The following MTX2 variants were observed in gnomAD, a reference collection of about 807,000 sequenced individuals.
MTX2 encodes the protein metaxin 2, also known as metaxin-2.
Under a neutral mutation model 42.3 loss-of-function variants are expected in MTX2, and 35 were observed. The ratio of observed to expected loss-of-function variants is 0.83; its 90% CI spans 0.63 to 1.10. MTX2 has a LOEUF of 1.10. Ranked by LOEUF, MTX2 falls within the 50% of genes least tolerant of loss-of-function variation. The pLI is 0.00. For missense variants in MTX2, 307 were observed against 304.1 expected, an observed-to-expected ratio of 1.01 and a Z score of -0.07; for synonymous variants, 119 against 100.9, an observed-to-expected ratio of 1.18 and a Z score of -1.08.
At chr2:176,290,877 T>G (rs1333402450) in intron 1 of MTX2, among the ~76,000 whole-genome samples, 20 of 151,972 alleles carry the variant, frequency 1.3e-4, no homozygotes. Context: ...ACACTAAAAC[T>G]GGAAATCTCT....
rs147847958 is a variant in MTX2, at chr2:176,326,978, T to C, written c.285+77T>C. The C allele has an allele frequency of 8.7e-4, 715 of 822,930 alleles. 3 individuals carry two copies. The African/African-American group carries it at 0.011, about 13-fold the overall frequency. The allele number at this position is 822,930 out of a possible 1,614,324, so 51.0% of individuals were successfully genotyped here. On this transcript the variant is annotated intron_variant, in intron 5 of 9. Coordinates refer to ENST00000249442, the MANE Select transcript of MTX2 (RefSeq NM_006554.5). ...TCTTTAATGTGTCTTAACATTTACATTGATTTCAACCTAGTTTTATAAAAT... is the reference window on the plus strand; with the variant it reads ...TCTTTAATGTGTCTTAACATTTACACTGATTTCAACCTAGTTTTATAAAAT...
In MTX2 at chr2:176,328,830, C is replaced by T. The variant is rs779846129; in HGVS notation, c.379-44C>T. ...AAAAATAACTTTCTTTATCCTTTTC[C>T]TCTTTGGTATTCTAAAGTTTAGTGA... On this transcript the variant is annotated intron_variant, in intron 6 of 9. Transcript: ENST00000249442. 5.7e-6 allele frequency: 9 copies of T among 1,567,398 alleles called. No individual in the cohort carries two copies. The South Asian group carries it at 5.8e-5, about 10-fold the overall frequency.
At chr2:176,305,008 T>C (rs1264632592) in intron 3 of MTX2, among the ~76,000 whole-genome samples, 1 of 152,092 alleles carries the variant, frequency 6.6e-6, no homozygotes, top group Non-Finnish European at 1.5e-5. Context: ...TAAAAACTTA[T>C]TAAAGGCAAT....
chr2:176,288,192 C>T (rs16863666), intron 1 of MTX2, among the ~76,000 whole-genome samples: 1,923 of 151,996 alleles, frequency 0.013, 34 homozygotes, highest in African/African-American at 0.043. Context: ...GAATTGCTTT[C>T]GAATTTAATA....
In MTX2 at chr2:176,277,582, A is replaced by G. The variant is rs1344227494; in HGVS notation, c.40+7913A>G. ...CACACCTGGCTAATTTTGTATTTTT[A>G]GTAGAGACCGGGTTTCTCCACATTG... On this transcript the variant is annotated intron_variant, in intron 1 of 9. Coordinates refer to ENST00000249442, the MANE Select transcript of MTX2 (RefSeq NM_006554.5). Among the ~76,000 whole-genome samples, 5 of 152,142 alleles carry G rather than the reference A, an allele frequency of 3.3e-5. No homozygotes were observed. The East Asian group carries it at 5.8e-4, about 18-fold the overall frequency.
chr2:176,289,074 T>A (rs2105405933), intron 1 of MTX2, among the ~76,000 whole-genome samples: 1 of 152,112 alleles, frequency 6.6e-6, no homozygotes, highest in Admixed American at 6.5e-5. Context: ...TGGTTAGCAG[T>A]CATTTCATTA....
chr2:176,320,038 C>G (rs950153412), intron 3 of MTX2, among the ~76,000 whole-genome samples: 1 of 152,030 alleles, frequency 6.6e-6, no homozygotes, highest in African/African-American at 2.4e-5. Context: ...TTTTTGTGAA[C>G]TACAGATTAA....
chr2:176,289,496 A>G (rs890140743), intron 1 of MTX2, among the ~76,000 whole-genome samples: 2 of 152,140 alleles, frequency 1.3e-5, no homozygotes, highest in African/African-American at 2.4e-5. Flanking sequence ...TGGACTTTTA[A>G]TAACTAATTG....
In MTX2 at chr2:176,337,797, G is replaced by GTA; in HGVS notation, c.*135_*136dup. On this transcript the variant is annotated 3_prime_UTR_variant, in exon 10 of 10. Coordinates refer to ENST00000249442, the MANE Select transcript of MTX2 (RefSeq NM_006554.5). ...CCTCAAATTATATAATGTATCTTAT[G>GTA]TATGTGCTTTATATTGTTATTTGTG... 1.4e-6 allele frequency: 1 copy of GTA among 726,788 alleles called. No homozygotes were observed. Among genetic ancestry groups the GTA allele is most frequent in the East Asian group, 2.7e-5 (1 of 36,490 alleles). The allele number at this position is 726,788 out of a possible 1,614,324, so 45.0% of individuals were successfully genotyped here.
At chr2:176,294,959 T>A (rs1683820815) in intron 1 of MTX2, among the ~76,000 whole-genome samples, 1 of 151,760 alleles carries the variant, frequency 6.6e-6, no homozygotes, top group Admixed American at 6.6e-5. Flanking sequence ...TTACCACAAT[T>A]TTAAATTAGA....
At chr2:176,335,460 C>G (rs1684966604) in intron 9 of MTX2, among the ~76,000 whole-genome samples, 1 of 151,748 alleles carries the variant, frequency 6.6e-6, no homozygotes, top group South Asian at 2.1e-4. Flanking sequence ...GTATGATCTG[C>G]TGACATTAGT....
intron 1 of MTX2, among the ~76,000 whole-genome samples, chr2:176,272,775 G>A (rs1692854772): frequency 6.6e-6 from 1 of 152,138 alleles, no homozygotes; most frequent in African/African-American, 2.4e-5. Flanking sequence ...AATAAAGATA[G>A]ATTGTTGGTA....
At chr2:176,313,388 C>CTTTTTTTTTTTTTTTTTTTTTTTTTTTT (rs1207416607) in intron 3 of MTX2, among the ~76,000 whole-genome samples, 2 of 103,510 alleles carry the variant, frequency 1.9e-5, no homozygotes, top group African/African-American at 7.9e-5. Flanking sequence ...TACACTGATT[C>CTTTTTTTTTTTTTTTTTTTTTTTTTTTT]TTTTTTTTTT....
intron 3 of MTX2, among the ~76,000 whole-genome samples, chr2:176,319,692 C>T (rs150914780): frequency 0.039 from 5,981 of 152,118 alleles, 230 homozygotes; most frequent in Admixed American, 0.13. Context: ...TCTCCTGCCT[C>T]ACCCTTCTGA....
chr2:176,280,733 C>T (rs1330276860), intron 1 of MTX2, among the ~76,000 whole-genome samples: 1 of 152,164 alleles, frequency 6.6e-6, no homozygotes, highest in Non-Finnish European at 1.5e-5. Context: ...ACAAGTCAGT[C>T]AATGTTGCAA....
intron 1 of MTX2, among the ~76,000 whole-genome samples, chr2:176,281,768 G>A (rs1408663853): frequency 6.6e-6 from 1 of 152,092 alleles, no homozygotes; most frequent in African/African-American, 2.4e-5. Flanking sequence ...AAAGAAGGAT[G>A]GGGATAGATG....
At chr2:176,336,459 GA>G (rs992576384) in intron 9 of MTX2, among the ~76,000 whole-genome samples, 3 of 152,038 alleles carry the variant, frequency 2.0e-5, no homozygotes, top group African/African-American at 7.2e-5. Context: ...TCACCACAGC[GA>G]AATCCTTTGT....
chr2:176,330,707 T>C lies in MTX2; in HGVS notation c.620+47T>C, dbSNP rs375105402. 9.3e-6 allele frequency: 12 copies of C among 1,291,266 alleles called. No homozygotes were observed. The African/African-American group carries it at 1.8e-4, about 19-fold the overall frequency. 80.0% of individuals were successfully genotyped at this position (1,291,266 alleles called of 1,614,324 possible). The stretch of plus-strand genomic sequence containing the variant: ...AAGTTAATTTTCTGTACTGTTAGGT[T>C]GCAAATTTCTTTTTTTCATAAAAGA... On this transcript the variant is annotated intron_variant, in intron 9 of 9. Coordinates refer to ENST00000249442, the MANE Select transcript of MTX2 (RefSeq NM_006554.5).
intron 9 of MTX2, among the ~76,000 whole-genome samples, chr2:176,337,070 C>G (rs776105888): frequency 6.6e-6 from 1 of 152,012 alleles, no homozygotes; most frequent in Non-Finnish European, 1.5e-5. Flanking sequence ...CTTATAGTAC[C>G]CAATACACAC....
Sources: gnomAD v4.1 joint callset for allele counts (sites outside exome capture counted in the v4.1 genomes callset) on GRCh38, gnomAD v4.1.1 for gene constraint, MANE v1.5 for transcripts, NCBI Gene and HGNC (gene_info 2026-07-23, HGNC 2026-07-21) for gene names.